AFG1L: variants seen among roughly 807,000 people sequenced by gnomAD.
AFG1L encodes the protein AFG1-like ATPase.
AFG1L carries 53 observed loss-of-function variants against 62.2 expected under a neutral mutation model. The ratio of observed to expected loss-of-function variants is 0.85; its 90% CI spans 0.68 to 1.07. The LOEUF (loss-of-function observed/expected upper bound fraction) is 1.07, where lower values mean the gene tolerates loss of function less well. Ranked by LOEUF, AFG1L falls within the 50% of genes least tolerant of loss-of-function variation. The pLI is 0.00. For synonymous variants in AFG1L, 228 were observed against 210.3 expected (o/e 1.08, Z -0.73); for missense variants, 555 against 590.5 (o/e 0.94, Z 0.62).
At chr6:108,444,021 C>G (rs1771657909) in intron 7 of AFG1L, among the ~76,000 whole-genome samples, 2 of 152,040 alleles carry the variant, frequency 1.3e-5, no homozygotes, top group African/African-American at 4.8e-5. Flanking sequence ...CCTGAAATCC[C>G]TTAGTCACCA....
intron 11 of AFG1L, among the ~76,000 whole-genome samples, chr6:108,518,460 T>C (rs1195163183): frequency 7.9e-6 from 1 of 125,940 alleles, no homozygotes; most frequent in African/African-American, 3.1e-5. Flanking sequence ...TGAGAACACA[T>C]GGACACATGA....
intron 1 of AFG1L, among the ~76,000 whole-genome samples, chr6:108,300,187 C>T (rs1273075707): frequency 2.0e-5 from 3 of 149,736 alleles, no homozygotes; most frequent in Non-Finnish European, 3.0e-5. Context: ...TTGCTCTTGT[C>T]GCCCAGGCTG....
chr6:108,315,924 G>C (rs1239431907), intron 1 of AFG1L, among the ~76,000 whole-genome samples: 1 of 152,132 alleles, frequency 6.6e-6, no homozygotes, highest in Non-Finnish European at 1.5e-5. Flanking sequence ...GTGTGCACCT[G>C]TAGTCCCAGC....
intron 5 of AFG1L, among the ~76,000 whole-genome samples, chr6:108,364,192 C>T (rs920857772): frequency 6.6e-6 from 1 of 152,160 alleles, no homozygotes; most frequent in Non-Finnish European, 1.5e-5. Context: ...GTCTTCTGTT[C>T]ACTTATACTG....
intron 12 of AFG1L, 157 bp from the exon 13 acceptor site, chr6:108,522,140 C>G: frequency 1.8e-6 from 1 of 545,222 alleles, no homozygotes; most frequent in Non-Finnish European, 3.2e-6. Flanking sequence ...GGTTGACTCT[C>G]TAGTCTCATT....
intron 1 of AFG1L, chr6:108,319,767 C>T (rs780980962): frequency 1.1e-5 from 5 of 437,288 alleles, no homozygotes; most frequent in Non-Finnish European, 2.3e-5. Flanking sequence ...TGCCACTCCA[C>T]CCAGCCTCAA....
At chr6:108,394,461 TTA>T (rs1781204699) in intron 6 of AFG1L, among the ~76,000 whole-genome samples, 1 of 131,948 alleles carries the variant, frequency 7.6e-6, no homozygotes, top group South Asian at 2.3e-4. Flanking sequence ...GCCGTTTTTT[TTA>T]TCTGTCACTA....
intron 2 of AFG1L, among the ~76,000 whole-genome samples, chr6:108,332,427 T>C (rs1382205877): frequency 6.6e-6 from 1 of 152,228 alleles, no homozygotes; most frequent in Non-Finnish European, 1.5e-5. Context: ...TGAGTTGACA[T>C]TGTGAATTAG....
rs562089335 is a variant in AFG1L, at chr6:108,424,070, C to T, written c.807+22016C>T. Among the ~76,000 whole-genome samples the T allele has an allele frequency of 3.9e-5, 6 of 152,080 alleles. No individual in the cohort carries two copies. In the South Asian group the frequency reaches 1.2e-3, roughly 32 times the overall value. On this transcript the variant is annotated intron_variant, in intron 7 of 12. Transcript: ENST00000368977. ...AGTATATGTATATATACAAACTACA[C>T]AATCACATCACACTTTTCTTTTTTT...
Position 108,522,372 on chromosome 6 carries a change from A to G in AFG1L, c.1393A>G (p.Thr465Ala), listed in dbSNP as rs1775158037. 6.2e-7 allele frequency: 1 copy of G among 1,613,976 alleles called. No individual in the cohort carries two copies. Among genetic ancestry groups the G allele is most frequent in the African/African-American group, 1.3e-5 (1 of 74,950 alleles). ...FAFQRTISRL[T>A]EMQTEQYWNE... ...ATTTCAGCGCACAATTTCCCGACTC[A>G]CGGAAATGCAGACTGAACAGTACTG... Residue 465 changes from threonine to alanine, a missense_variant, in exon 13 of 13, where the codon ACG becomes GCG. Physicochemically the swap from Thr to Ala is moderately conservative, Grantham distance 58. Transcript: ENST00000368977.
chr6:108,413,044 G>A (rs1230849395), intron 7 of AFG1L, among the ~76,000 whole-genome samples: 16 of 151,922 alleles, frequency 1.1e-4, no homozygotes, highest in Admixed American at 8.5e-4. Flanking sequence ...AGACACACAT[G>A]GGCTCAAAAT....
chr6:108,474,396 A>G (rs146332633), intron 8 of AFG1L, among the ~76,000 whole-genome samples: 3 of 152,342 alleles, frequency 2.0e-5, no homozygotes, highest in East Asian at 1.9e-4. Flanking sequence ...TTGGGTATAT[A>G]TCCACTAATG....
chr6:108,305,006 C>T (rs1205596697), intron 1 of AFG1L, among the ~76,000 whole-genome samples: 2 of 152,184 alleles, frequency 1.3e-5, no homozygotes, highest in Non-Finnish European at 2.9e-5. Context: ...ACCTTCCTTG[C>T]AGGTAATTTA....
At chr6:108,519,645 C>A in intron 11 of AFG1L, 52 bp from the exon 12 acceptor site, 1 of 952,316 alleles carries the variant, frequency 1.1e-6, no homozygotes. Flanking sequence ...TTCTTACCTT[C>A]AACTTGTGAA....
At chr6:108,454,216 T>C (rs1772166990) in intron 8 of AFG1L, among the ~76,000 whole-genome samples, 1 of 152,208 alleles carries the variant, frequency 6.6e-6, no homozygotes, top group African/African-American at 2.4e-5. Context: ...GTTTGCATGG[T>C]GTCACAATGG....
At chr6:108,311,251 T>C (rs1344336746) in intron 1 of AFG1L, among the ~76,000 whole-genome samples, 1 of 152,230 alleles carries the variant, frequency 6.6e-6, no homozygotes, top group African/African-American at 2.4e-5. Flanking sequence ...GTCGTGTTTC[T>C]GGGCCTTCTT....
chr6:108,411,427 C>G (rs150778098), intron 7 of AFG1L, among the ~76,000 whole-genome samples: 1 of 152,136 alleles, frequency 6.6e-6, no homozygotes, highest in Non-Finnish European at 1.5e-5. Context: ...TCTCCCAGCA[C>G]GGAGTTTGAG....
chr6:108,506,484 C>T (rs1774424972), intron 10 of AFG1L, among the ~76,000 whole-genome samples: 1 of 152,224 alleles, frequency 6.6e-6, no homozygotes, highest in Non-Finnish European at 1.5e-5. Flanking sequence ...GCTGGGATTA[C>T]AGGTGTGAGC....
At chr6:108,434,479 G>A (rs144687491) in intron 7 of AFG1L, among the ~76,000 whole-genome samples, 322 of 152,242 alleles carry the variant, frequency 2.1e-3, no homozygotes, top group African/African-American at 7.4e-3. Context: ...TACCTTTAAA[G>A]CAATCAAGCT....
Sources: allele counts gnomAD v4.1 joint callset (sites outside exome capture counted in the v4.1 genomes callset), GRCh38; gene constraint gnomAD v4.1.1; transcripts MANE v1.5; gene names NCBI Gene and HGNC (gene_info 2026-07-23, HGNC 2026-07-21).